PDE10A: variants seen among roughly 807,000 people sequenced by gnomAD.
PDE10A encodes the protein phosphodiesterase 10A, also known as cAMP and cAMP-inhibited cGMP 3',5'-cyclic phosphodiesterase 10A.
A neutral mutation model predicts 97.7 loss-of-function variants in PDE10A; 39 were observed. The ratio of observed to expected loss-of-function variants is 0.40; its 90% CI spans 0.31 to 0.52. The LOEUF (loss-of-function observed/expected upper bound fraction) is 0.52. Among genes scored for constraint, PDE10A ranks in the 20% least tolerant of loss-of-function variants. The pLI is 0.56. For synonymous variants in PDE10A, 371 were observed against 376.8 expected, an observed-to-expected ratio of 0.98 and a Z score of 0.18; for missense variants, 731 against 1,047.8, an observed-to-expected ratio of 0.70 and a Z score of 4.17.
chr6:165,890,859 T>C (rs1781772673), intron 1 of PDE10A, among the ~76,000 whole-genome samples: 1 of 152,224 alleles, frequency 6.6e-6, no homozygotes, highest in African/African-American at 2.4e-5. Flanking sequence ...ATTTCTGTAT[T>C]ACTAAAGGGA....
intron 2 of PDE10A, among the ~76,000 whole-genome samples, chr6:165,539,319 T>C (rs767857514): frequency 2.0e-5 from 3 of 152,164 alleles, no homozygotes; most frequent in Non-Finnish European, 4.4e-5. Flanking sequence ...AAAAAAAGAC[T>C]CTGGAATTTA....
Position 165,798,335 on chromosome 6 carries a change from G to C in PDE10A, c.-615+189194C>G, listed in dbSNP as rs1778882594. On this transcript the variant is annotated intron_variant, in intron 1 of 19. Transcript: ENST00000366882. The stretch of plus-strand genomic sequence containing the variant: ...GAAAAGTGTAACAGAGGCATTACGG[G>C]GAGAAAGGATAGGAACTCAGCAGGG... Among the ~76,000 whole-genome samples the C allele has an allele frequency of 2.6e-5, 4 of 152,144 alleles. No individual in the cohort carries two copies. In the South Asian group the frequency reaches 8.3e-4, roughly 32 times the overall value.
intron 18 of PDE10A, among the ~76,000 whole-genome samples, chr6:165,353,549 T>C (rs961163979): frequency 1.3e-5 from 2 of 152,138 alleles, no homozygotes; most frequent in African/African-American, 2.4e-5. Flanking sequence ...TATTATTCAA[T>C]GCTGAAAAGA....
intron 18 of PDE10A, among the ~76,000 whole-genome samples, chr6:165,375,015 TTG>T (rs1346735153): frequency 6.6e-6 from 1 of 152,154 alleles, no homozygotes; most frequent in Non-Finnish European, 1.5e-5. Context: ...TTGATAAATG[TTG>T]TGTGTATTCA....
intron 1 of PDE10A, among the ~76,000 whole-genome samples, chr6:165,602,133 C>G (rs913089664): frequency 1.3e-5 from 2 of 152,178 alleles, no homozygotes; most frequent in Non-Finnish European, 1.5e-5. Context: ...TGGGCTTGGA[C>G]AGTGGCAGCA....
intron 1 of PDE10A, among the ~76,000 whole-genome samples, chr6:165,956,500 A>C (rs1198854206): frequency 6.6e-6 from 1 of 152,246 alleles, no homozygotes; most frequent in Admixed American, 6.5e-5. Context: ...TTAATACAGA[A>C]ATTCAACATG....
rs1209345877 is a variant in PDE10A, at chr6:165,655,237, G to A, written c.865+6710C>T. Reference sequence around the variant, plus strand: ...ATCCAATCCCATGATTTTAGATGCTGTGACTGCAGTTTCTATGCTGCAGTC... The same window carrying A: ...ATCCAATCCCATGATTTTAGATGCTATGACTGCAGTTTCTATGCTGCAGTC... On this transcript the variant is annotated intron_variant, in intron 1 of 21. Transcript: ENST00000539869. The surrounding 1 kb of genome is among the most constrained non-coding windows in gnomAD (Gnocchi z 4.5). 6.6e-6 allele frequency among the ~76,000 whole-genome samples: 1 copy of A among 152,060 alleles called. No homozygotes were observed. Among genetic ancestry groups the A allele is most frequent in the Non-Finnish European group, 1.5e-5 (1 of 68,018 alleles).
At chr6:165,430,823 T>C (rs470922) in intron 8 of PDE10A, among the ~76,000 whole-genome samples, 109,772 of 151,888 alleles carry the variant, frequency 0.72, 39,833 homozygotes, top group Middle Eastern at 0.85. Context: ...CATACAGTTC[T>C]TCCCTCATCA....
intron 2 of PDE10A, among the ~76,000 whole-genome samples, chr6:165,528,689 C>A (rs1410648273): frequency 2.0e-5 from 3 of 152,218 alleles, no homozygotes; most frequent in Non-Finnish European, 2.9e-5. Flanking sequence ...AGCAGTGCCT[C>A]TGACCCAGGC....
chr6:165,586,595 G>C (rs1263512853), intron 1 of PDE10A, among the ~76,000 whole-genome samples: 1 of 152,056 alleles, frequency 6.6e-6, no homozygotes. Flanking sequence ...ATATCCACAA[G>C]GGCCAAATGA....
chr6:165,894,867 C>A (rs936746145), intron 1 of PDE10A, among the ~76,000 whole-genome samples: 6 of 152,238 alleles, frequency 3.9e-5, no homozygotes, highest in African/African-American at 1.2e-4. Flanking sequence ...TTAGCCAGAG[C>A]AGTGGCTCTC....
At chr6:165,510,043 T>A (rs1181978857) in intron 2 of PDE10A, among the ~76,000 whole-genome samples, 2 of 152,066 alleles carry the variant, frequency 1.3e-5, no homozygotes, top group Admixed American at 6.6e-5. Flanking sequence ...GACTTTCTCT[T>A]TTCCAACTTG....
chr6:165,967,693 T>G (rs996324976), intron 1 of PDE10A, among the ~76,000 whole-genome samples: 1 of 152,222 alleles, frequency 6.6e-6, no homozygotes, highest in African/African-American at 2.4e-5. Flanking sequence ...CCTTGGGTAA[T>G]ACACATCTGT....
chr6:165,978,954 G>A (rs1784926311), intron 1 of PDE10A, among the ~76,000 whole-genome samples: 1 of 151,940 alleles, frequency 6.6e-6, no homozygotes, highest in African/African-American at 2.4e-5. Flanking sequence ...GGAGGAGGAG[G>A]TGGAGGAGGA....
At chr6:165,723,584 C>T (rs1198014006) in intron 1 of PDE10A, among the ~76,000 whole-genome samples, 1 of 152,196 alleles carries the variant, frequency 6.6e-6, no homozygotes, top group Non-Finnish European at 1.5e-5. Context: ...GTGAATTCTG[C>T]ATTTCACCAT....
intron 1 of PDE10A, among the ~76,000 whole-genome samples, chr6:165,816,416 CT>C (rs1779415119): frequency 1.3e-5 from 2 of 152,322 alleles, no homozygotes; most frequent in East Asian, 1.9e-4. Flanking sequence ...AGTCTCTGGG[CT>C]TATGAAGCCT....
intron 1 of PDE10A, among the ~76,000 whole-genome samples, chr6:165,823,482 TTATATATATATATATATATA>T (rs748139541): frequency 0.044 from 1,642 of 37,490 alleles, 104 homozygotes; most frequent in African/African-American, 0.12. Flanking sequence ...ATAGTTAACT[TTATATATATATATATATATA>T]TATATATATA....
intron 1 of PDE10A, among the ~76,000 whole-genome samples, chr6:165,829,556 G>A (rs1779853541): frequency 6.6e-6 from 1 of 152,232 alleles, no homozygotes; most frequent in Non-Finnish European, 1.5e-5. Context: ...GAACCGGGCA[G>A]GTGAAATGTG....
intron 2 of PDE10A, among the ~76,000 whole-genome samples, chr6:165,512,891 A>G (rs1239180224): frequency 6.6e-6 from 1 of 152,036 alleles, no homozygotes; most frequent in African/African-American, 2.4e-5. Flanking sequence ...ACAGAGTAGT[A>G]TCTCATTGCA....
Sources: gnomAD v4.1 joint callset for allele counts (sites outside exome capture counted in the v4.1 genomes callset) on GRCh38, gnomAD v4.1.1 for gene constraint, Gnocchi (gnomAD v3.1) non-coding constraint, MANE v1.5 for transcripts, NCBI Gene and HGNC (gene_info 2026-07-23, HGNC 2026-07-21) for gene names.